Variants in GPR19 observed in about 807,000 individuals in gnomAD.
GPR19 encodes the protein G protein-coupled receptor 19, also known as probable G protein-coupled receptor 19.
In GPR19, 14 loss-of-function variants were observed where a neutral mutation model predicts 28.5. The ratio of observed to expected loss-of-function variants is 0.49; its 90% CI spans 0.32 to 0.77. The LOEUF is 0.77. Among genes scored for constraint, GPR19 ranks in the 30% least tolerant of loss-of-function variants. GPR19 has a pLI of 0.03. For missense variants in GPR19, 409 were observed against 504.1 expected (o/e 0.81, Z 1.81); for synonymous variants, 173 against 184.1 (o/e 0.94, Z 0.49).
At chr12:12,711,109 C>T in the GPR19 span, among the ~76,000 whole-genome samples, 3 of 152,094 alleles carry the variant, frequency 2.0e-5, no homozygotes, top group Admixed American at 1.3e-4. Flanking sequence ...TCCTGGCCAA[C>T]ATGGTGAAAC....
the GPR19 span, among the ~76,000 whole-genome samples, chr12:12,713,564 ACT>A: frequency 6.7e-6 from 1 of 148,658 alleles, no homozygotes; most frequent in African/African-American, 2.5e-5. Context: ...ATGGAGTCTC[ACT>A]CTGTCTTCCA....
chr12:12,700,896 T>C (rs575920654), upstream of GPR19, among the ~76,000 whole-genome samples: 109 of 152,340 alleles, frequency 7.2e-4, no homozygotes, highest in African/African-American at 2.5e-3. Flanking sequence ...TTCTTTTTAC[T>C]TTTACTTTTT....
At chr12:12,684,753 A>T (rs1006541580) in intron 2 of GPR19, among the ~76,000 whole-genome samples, 22 of 152,180 alleles carry the variant, frequency 1.4e-4, no homozygotes, top group African/African-American at 5.1e-4. Context: ...AAATCTCCAT[A>T]TGAAAAGGGG....
the GPR19 span, among the ~76,000 whole-genome samples, chr12:12,707,934 G>A: frequency 6.8e-6 from 1 of 146,784 alleles, no homozygotes; most frequent in Non-Finnish European, 1.5e-5. Context: ...TTTAACCATG[G>A]AAATTAAATT....
At chr12:12,716,490 A>G in the GPR19 span, among the ~76,000 whole-genome samples, 2 of 152,128 alleles carry the variant, frequency 1.3e-5, no homozygotes, top group Non-Finnish European at 1.5e-5. Flanking sequence ...GCCAATGTCC[A>G]TGGCCTTAAC....
chr12:12,664,765 A>G (rs1945736514), intron 3 of GPR19, among the ~76,000 whole-genome samples: 3 of 151,912 alleles, frequency 2.0e-5, no homozygotes, highest in African/African-American at 7.3e-5. Flanking sequence ...CTAAAAATAC[A>G]AAAGATTAGC....
chr12:12,687,943 G>T (rs1298590080), intron 2 of GPR19, among the ~76,000 whole-genome samples: 1 of 152,204 alleles, frequency 6.6e-6, no homozygotes, highest in Non-Finnish European at 1.5e-5. Context: ...GGGAGACAGA[G>T]CTAGACTCCG....
intron 3 of GPR19, among the ~76,000 whole-genome samples, chr12:12,668,659 A>AT (rs908134392): frequency 6.8e-6 from 1 of 146,794 alleles, no homozygotes; most frequent in Non-Finnish European, 1.5e-5. Context: ...TATAATATTG[A>AT]TTTTTTACAT....
rs190788006 is a variant in GPR19 at position 12,680,486 on chromosome 12, G to T, written c.-23+3865C>A. Among the ~76,000 whole-genome samples, 18 of 152,290 alleles carry T rather than the reference G, an allele frequency of 1.2e-4. No homozygotes were observed. In the East Asian group the frequency reaches 1.3e-3, roughly 11 times the overall value. ...TCCACAAACAGGGAAACATATTCAT[G>T]ATGGTAACTGCCCTTTTGCCTTTTA... On this transcript the variant is annotated intron_variant, in intron 3 of 3. Coordinates refer to ENST00000651487, the MANE Select transcript of GPR19 (RefSeq NM_006143.3).
intron 3 of GPR19, among the ~76,000 whole-genome samples, chr12:12,666,517 G>C (rs566365766): frequency 6.6e-6 from 1 of 152,218 alleles, no homozygotes; most frequent in African/African-American, 2.4e-5. Context: ...CCTGGGTGTC[G>C]GATGTTTCAA....
chr12:12,684,789 C>T (rs1050316547), intron 2 of GPR19: 11 of 152,216 alleles, frequency 7.2e-5, no homozygotes, highest in African/African-American at 2.4e-4. Context: ...AAACCTCCTT[C>T]CTTCTCTATT....
chr12:12,668,787 A>G (rs764683543), intron 3 of GPR19, among the ~76,000 whole-genome samples: 5 of 152,162 alleles, frequency 3.3e-5, no homozygotes, highest in Non-Finnish European at 5.9e-5. Context: ...TCATGACAGT[A>G]GTTATAGCAT....
At chr12:12,697,384 A>C (rs936291152), upstream of GPR19, among the ~76,000 whole-genome samples, 1 of 149,632 alleles carries the variant, frequency 6.7e-6, no homozygotes, top group African/African-American at 2.5e-5. Flanking sequence ...ACAAAAAAAA[A>C]GGCAGGCAAA....
At chr12:12,707,160 G>A in the GPR19 span, among the ~76,000 whole-genome samples, 13 of 152,188 alleles carry the variant, frequency 8.5e-5, no homozygotes, top group African/African-American at 3.1e-4. Context: ...AGAGCCTCTG[G>A]ATTTGCTATT....
At chr12:12,692,703 GT>G (rs202077443) in intron 2 of GPR19, among the ~76,000 whole-genome samples, 1,629 of 146,840 alleles carry the variant, frequency 0.011, 42 homozygotes, top group African/African-American at 0.038. Context: ...TGTTTTTTTT[GT>G]TTTTTTTTTT....
chr12:12,710,029 C>G, the GPR19 span, among the ~76,000 whole-genome samples: 1 of 152,128 alleles, frequency 6.6e-6, no homozygotes, highest in Non-Finnish European at 1.5e-5. Context: ...GAGTGTTGCA[C>G]ACCTCAAGTG....
chr12:12,664,676 T>G (rs925155966), intron 3 of GPR19, among the ~76,000 whole-genome samples: 3 of 151,828 alleles, frequency 2.0e-5, no homozygotes, highest in Non-Finnish European at 4.4e-5. Flanking sequence ...ATCCGAGCAC[T>G]TTGGGAGGTC....
At chr12:12,678,073 CAAAAAA>C (rs56014911) in intron 3 of GPR19, among the ~76,000 whole-genome samples, 3 of 46,136 alleles carry the variant, frequency 6.5e-5, no homozygotes, top group East Asian at 2.0e-3. Context: ...GACTCTGTCT[CAAAAAA>C]AAAAAAAAAA....
chr12:12,692,602 C>A (rs559431805), intron 2 of GPR19, among the ~76,000 whole-genome samples: 1 of 152,242 alleles, frequency 6.6e-6, no homozygotes, highest in Non-Finnish European at 1.5e-5. Flanking sequence ...ATTTATAGAA[C>A]CAGAACCCCA....
Sources: gnomAD v4.1 joint callset for allele counts (sites outside exome capture counted in the v4.1 genomes callset) on GRCh38, gnomAD v4.1.1 for gene constraint, MANE v1.5 for transcripts, NCBI Gene and HGNC (gene_info 2026-07-23, HGNC 2026-07-21) for gene names.